DNAH2: variants seen among roughly 807,000 people sequenced by gnomAD.
The protein encoded by DNAH2 is dynein axonemal heavy chain 2.
A neutral mutation model predicts 523.5 loss-of-function variants in DNAH2; 323 were observed. The ratio of observed to expected loss-of-function variants is 0.62; its 90% CI spans 0.56 to 0.68. The LOEUF is 0.68. Ranked by LOEUF, DNAH2 falls within the 30% of genes least tolerant of loss-of-function variation. DNAH2 has a pLI of 0.00. For synonymous variants in DNAH2, 2,093 were observed against 2,177.4 expected (o/e 0.96, Z 1.08); for missense variants, 4,907 against 5,701.5 (o/e 0.86, Z 4.49).
chr17:7,762,041 G>A (rs967768724), intron 18 of DNAH2, among the ~76,000 whole-genome samples: 2 of 152,238 alleles, frequency 1.3e-5, no homozygotes, highest in Admixed American at 1.3e-4. Flanking sequence ...GTGCCACTTA[G>A]TAGCTGTGTG....
rs767585952 is a variant in DNAH2 at position 7,832,952 on chromosome 17, C to T, written c.12978+24C>T. 3 of 1,614,020 alleles carry T rather than the reference C, an allele frequency of 1.9e-6. No individual in the cohort carries two copies. In the Admixed American group the frequency reaches 5.0e-5, roughly 27 times the overall value. ...AGGTGGGAGCCAGTTGTGCTTGGGG[C>T]TCTGAGCAAAAGAGGGTACTGGAAA... On this transcript the variant is annotated intron_variant, in intron 84 of 85. Transcript: ENST00000572933. The surrounding 1 kb of genome is among the most constrained non-coding windows in gnomAD (Gnocchi z 4.3).
intron 8 of DNAH2, chr17:7,738,864 T>C (rs2075220389): frequency 4.4e-6 from 3 of 675,984 alleles, no homozygotes; most frequent in Non-Finnish European, 8.2e-6. Context: ...GGGCTCCTGG[T>C]CTAGGTTTGC....
At chr17:7,729,061 T>A (rs1168406854) in intron 4 of DNAH2, among the ~76,000 whole-genome samples, 1 of 151,190 alleles carries the variant, frequency 6.6e-6, no homozygotes, top group Non-Finnish European at 1.5e-5. Flanking sequence ...GAATACCTGA[T>A]AAAATGAGCA....
At position 7,833,565 on chromosome 17, in the gene DNAH2, G is replaced by A. The variant is rs757070214; in HGVS notation, c.*32G>A. ...CTCCTCTTCTCCGCTTGAGAGAGAG[G>A]GTCAGGGACTCCAGGAGCTAAGACA... On this transcript the variant is annotated 3_prime_UTR_variant, in exon 86 of 86. Transcript: ENST00000572933. The A allele has an allele frequency of 1.2e-6, 2 of 1,610,194 alleles. No individual in the cohort carries two copies. Among genetic ancestry groups the A allele is most frequent in the African/African-American group, 2.7e-5 (2 of 75,026 alleles).
Position 7,828,018 on chromosome 17 carries a change from T to C in DNAH2, c.11854-2282T>C, listed in dbSNP as rs2078068357. Among the ~76,000 whole-genome samples the C allele has an allele frequency of 6.6e-6, 1 of 152,062 alleles. No individual in the cohort carries two copies. The highest frequency in any genetic ancestry group is 1.5e-5 in the Non-Finnish European group (1 of 68,032). On this transcript the variant is annotated intron_variant, in intron 77 of 85. Coordinates refer to ENST00000572933, the MANE Select transcript of DNAH2 (RefSeq NM_020877.5). This position sits in a 1 kb window ranked among gnomAD's most constrained non-coding sequence, Gnocchi z 4.1. ...GGCACCATCTTGGCTCACTGCAACC[T>C]CTGCCTCCCAGGCTCTAGCAATCTT...
intron 11 of DNAH2, among the ~76,000 whole-genome samples, chr17:7,741,300 T>TTCTTTCTTTCTTTCTTC (rs1567625056): frequency 2.2e-4 from 10 of 44,898 alleles, no homozygotes; most frequent in Non-Finnish European, 3.0e-4. Flanking sequence ...CTTTCTTCCT[T>TTCTTTCTTTCTTTCTTC]CCTTCCCTCC....
rs190188482 is a variant in DNAH2, at chr17:7,828,999, C to T, written c.11854-1301C>T. On this transcript the variant is annotated intron_variant, in intron 77 of 85. Coordinates refer to ENST00000572933, the MANE Select transcript of DNAH2 (RefSeq NM_020877.5). The surrounding 1 kb of genome is among the most constrained non-coding windows in gnomAD (Gnocchi z 4.1). ...CTCCATGATGCCCGGTGAATCAAGT[C>T]CAAATGGCTCAAACATCCATTATTA... 1.3e-5 allele frequency among the ~76,000 whole-genome samples: 2 copies of T among 151,132 alleles called. No individual in the cohort carries two copies. Among genetic ancestry groups the T allele is most frequent in the East Asian group, 1.9e-4 (1 of 5,172 alleles).
At chr17:7,742,860 C>CGGTGGTCGCCGTATCATTAAA in intron 11 of DNAH2, 68 bp from the exon 12 acceptor site, 1 of 1,217,042 alleles carries the variant, frequency 8.2e-7, no homozygotes. Flanking sequence ...GTGTAGGTCT[C>CGGTGGTCGCCGTATCATTAAA]AGGGAGATGG....
Position 7,798,810 on chromosome 17 carries a change from ACACCCCCACTGC to A in DNAH2, c.8559+96_8559+107del. Reference sequence around the variant, plus strand: ...ACAGCTCCCAGAATGTGCCACTGGCACACCCCCACTGCCACACCCCCACTGCCCACCTCAGCC... The same window carrying A: ...ACAGCTCCCAGAATGTGCCACTGGCACACACCCCCACTGCCCACCTCAGCC... On this transcript the variant is annotated intron_variant, in intron 55 of 85. Transcript: ENST00000572933. The surrounding 1 kb of genome is among the most constrained non-coding windows in gnomAD (Gnocchi z 5.5). 1.3e-6 allele frequency: 1 copy of A among 782,260 alleles called. No individual in the cohort carries two copies. Among genetic ancestry groups the A allele is most frequent in the Non-Finnish European group, 1.9e-6 (1 of 530,628 alleles). 48.5% of individuals were successfully genotyped at this position (782,260 alleles called of 1,614,324 possible). A position where few individuals can be genotyped will look rare whatever the true frequency, so the allele number is the denominator to read the frequency against.
intron 4 of DNAH2, among the ~76,000 whole-genome samples, chr17:7,730,493 A>G (rs959543490): frequency 6.6e-6 from 1 of 152,242 alleles, no homozygotes; most frequent in African/African-American, 2.4e-5. Flanking sequence ...GGAATCAAAA[A>G]GGACACACTG....
intron 63 of DNAH2, among the ~76,000 whole-genome samples, chr17:7,815,785 G>C (rs2077649917): frequency 6.6e-6 from 1 of 151,890 alleles, no homozygotes; most frequent in African/African-American, 2.4e-5. Context: ...CTTGGGACAA[G>C]GCTCTATCAG....
At chr17:7,741,297 C>CTTTCTTTCTTTCTTTCTTTCTTTCTTT (rs1491588292) in intron 11 of DNAH2, among the ~76,000 whole-genome samples, 3 of 61,324 alleles carry the variant, frequency 4.9e-5, no homozygotes, top group South Asian at 6.7e-4. Flanking sequence ...TTTCTTTCTT[C>CTTTCTTTCTTTCTTTCTTTCTTTCTTT]CTTCCTTCCC....
intron 2 of DNAH2, among the ~76,000 whole-genome samples, chr17:7,720,338 G>A (rs1159670444): frequency 6.6e-6 from 1 of 152,186 alleles, no homozygotes; most frequent in Non-Finnish European, 1.5e-5. Flanking sequence ...TGAATCCAAA[G>A]CCCGGCTGAT....
At chr17:7,720,984 A>G (rs1256781485) in intron 2 of DNAH2, among the ~76,000 whole-genome samples, 1 of 150,128 alleles carries the variant, frequency 6.7e-6, no homozygotes, top group Non-Finnish European at 1.5e-5. Context: ...TCCCAGCTCC[A>G]AGCTTTCTTT....
At chr17:7,746,593 G>C (rs1452696394) in intron 12 of DNAH2, among the ~76,000 whole-genome samples, 1 of 152,090 alleles carries the variant, frequency 6.6e-6, no homozygotes, top group East Asian at 1.9e-4. Context: ...CATTTCATTT[G>C]GTTGTTTTCC....
At chr17:7,721,004 C>CTTTTTTTTTTTTTTTTTTTT (rs71159523) in intron 2 of DNAH2, among the ~76,000 whole-genome samples, 1 of 109,730 alleles carries the variant, frequency 9.1e-6, no homozygotes, top group Non-Finnish European at 1.9e-5. Flanking sequence ...TTCTTTCTTT[C>CTTTTTTTTTTTTTTTTTTTT]TTTTTTTTTT....
intron 27 of DNAH2, 122 bp downstream of exon 27, chr17:7,771,055 G>A: frequency 2.6e-6 from 3 of 1,136,514 alleles, no homozygotes; most frequent in Non-Finnish European, 3.7e-6. Context: ...CTTCATCTAG[G>A]ACCCAGCTGT....
At position 7,754,690 on chromosome 17, in the gene DNAH2, C is replaced by T. The variant is rs2075786747; in HGVS notation, c.1905-2401C>T. On this transcript the variant is annotated intron_variant, in intron 12 of 85. Coordinates refer to ENST00000572933, the MANE Select transcript of DNAH2 (RefSeq NM_020877.5). The surrounding 1 kb of genome is among the most constrained non-coding windows in gnomAD (Gnocchi z 4.6). Reference sequence around the variant, plus strand: ...GATCGACTTGCCTACATTGCCCACCCCAACCTTGGGAAGCTTGCTCGTGCC... The same window carrying T: ...GATCGACTTGCCTACATTGCCCACCTCAACCTTGGGAAGCTTGCTCGTGCC... 6 of 1,249,466 alleles carry T rather than the reference C, an allele frequency of 4.8e-6. No homozygotes were observed. The highest frequency in any genetic ancestry group is 1.5e-5 in the African/African-American group (1 of 68,300). 77.4% of individuals were successfully genotyped at this position (1,249,466 alleles called of 1,614,324 possible).
At chr17:7,726,792 CCCTTAATTCA>C (rs1377071080) in intron 3 of DNAH2, among the ~76,000 whole-genome samples, 1 of 152,134 alleles carries the variant, frequency 6.6e-6, no homozygotes, top group East Asian at 1.9e-4. Flanking sequence ...CCTACACATT[CCCTTAATTCA>C]CCTTTACCTT....
Sources: gnomAD v4.1 joint callset for allele counts (sites outside exome capture counted in the v4.1 genomes callset) on GRCh38, gnomAD v4.1.1 for gene constraint, Gnocchi (gnomAD v3.1) non-coding constraint, MANE v1.5 for transcripts, NCBI Gene and HGNC (gene_info 2026-07-23, HGNC 2026-07-21) for gene names.